ARHGEF26: variants seen among roughly 807,000 people sequenced by gnomAD.
ARHGEF26 encodes the protein Rho guanine nucleotide exchange factor (GEF) 26.
A neutral mutation model predicts 89.4 loss-of-function variants in ARHGEF26; 59 were observed. The observed-to-expected ratio is 0.66, with a 90% CI of 0.54 to 0.82. ARHGEF26 has a LOEUF of 0.82. ARHGEF26 is among the 40% of genes least tolerant of loss of function. The pLI is 0.00. For missense variants in ARHGEF26, 1,234 were observed against 1,085.6 expected, an observed-to-expected ratio of 1.14 and a Z score of -1.92; for synonymous variants, 500 against 428.4, an observed-to-expected ratio of 1.17 and a Z score of -2.06.
Position 154,254,827 on chromosome 3 carries a change from G to A in ARHGEF26, c.2473+3G>A, listed in dbSNP as rs767062700. 5.6e-6 allele frequency: 9 copies of A among 1,612,958 alleles called. No homozygotes were observed. Among genetic ancestry groups the A allele is most frequent in the Admixed American group, 1.7e-5 (1 of 60,024 alleles). On this transcript the variant is annotated splice_donor_region_variant and intron_variant, in intron 14 of 14. Transcript: ENST00000465093. ...CATCTATCAACGTGTCAGCGATGGTGAGTGGGAGCGTTCTTATGGGACACT... is the reference window on the plus strand; with the variant it reads ...CATCTATCAACGTGTCAGCGATGGTAAGTGGGAGCGTTCTTATGGGACACT...
Position 154,254,838 on chromosome 3 carries a change from T to C in ARHGEF26, c.2473+14T>C. The C allele has an allele frequency of 6.2e-7, 1 of 1,609,410 alleles. No individual in the cohort carries two copies. The highest frequency in any genetic ancestry group is 2.2e-5 in the East Asian group (1 of 44,844). ...GTGTCAGCGATGGTGAGTGGGAGCG[T>C]TCTTATGGGACACTCGTGGTCCAGG... On this transcript the variant is annotated intron_variant, in intron 14 of 14. Coordinates refer to ENST00000465093, the MANE Select transcript of ARHGEF26 (RefSeq NM_015595.4).
chr3:154,225,987 G>T lies in ARHGEF26; in HGVS notation c.2067G>T (p.Val689=). Residue 689 remains valine, a synonymous_variant, in exon 11 of 15, where the codon GTG becomes GTT. Transcript: ENST00000465093. ...TCTACTTCTTTCTCTTTAACGATGT[G>T]CTCATTATCACCAAGAAGAAGAGGT... is the stretch of plus-strand genomic sequence containing the variant. ...QQVYFFLFND[V]LIITKKKSEE... 1 of 1,611,438 alleles carries T rather than the reference G, an allele frequency of 6.2e-7. No homozygotes were observed. The highest frequency in any genetic ancestry group is 1.7e-5 in the Admixed American group (1 of 59,548).
chr3:154,172,389 G>C (rs1412124238), intron 6 of ARHGEF26, among the ~76,000 whole-genome samples: 1 of 152,166 alleles, frequency 6.6e-6, no homozygotes, highest in African/African-American at 2.4e-5. Context: ...TTAAAGACAG[G>C]CCAGCCTAGG....
In ARHGEF26 at chr3:154,253,153, A is replaced by T; in HGVS notation, c.2338A>T (p.Ser780Cys). 1 of 1,614,034 alleles carries T rather than the reference A, an allele frequency of 6.2e-7. No homozygotes were observed. Among genetic ancestry groups the T allele is most frequent in the Non-Finnish European group, 8.5e-7 (1 of 1,179,892 alleles). The change falls in exon 13 of 15, where the codon AGC (serine) becomes TGC (cysteine). Residue 780 changes from serine (S) to cysteine (C), a missense_variant. Physicochemically the swap from Ser to Cys is moderately radical, Grantham distance 112 (BLOSUM62 -1). Coordinates refer to ENST00000465093, the MANE Select transcript of ARHGEF26 (RefSeq NM_015595.4). Reference sequence around the variant, plus strand: ...CCGCTGGATAACTGCCCTGGGACACAGCAGCGGGAAGCCGCCTGCAGACCG... The same window carrying T: ...CCGCTGGATAACTGCCCTGGGACACTGCAGCGGGAAGCCGCCTGCAGACCG... ...RARWITALGH[S>C]SGKPPADRTS...
rs990673906 is a variant in ARHGEF26 at position 154,210,939 on chromosome 3, C to T, written c.1846-6930C>T. ...GCCTGGGCGACAGATTAAGTCTGTCCCCCCACCAAAAAAAAAAAAATTTGT... is the reference window on the plus strand; with the variant it reads ...GCCTGGGCGACAGATTAAGTCTGTCTCCCCACCAAAAAAAAAAAAATTTGT... On this transcript the variant is annotated intron_variant, in intron 9 of 14. Coordinates refer to ENST00000465093, the MANE Select transcript of ARHGEF26 (RefSeq NM_015595.4). Among the ~76,000 whole-genome samples the T allele has an allele frequency of 4.8e-4, 72 of 151,048 alleles. 1 individual carries two copies. The highest frequency in any genetic ancestry group is 7.8e-4 in the Non-Finnish European group (53 of 67,750).
Position 154,225,928 on chromosome 3 carries a change from G to A in ARHGEF26, c.2008G>A (p.Val670Met). The stretch of plus-strand genomic sequence containing the variant: ...ATTGACAGCCTATGTTGAAGACACT[G>A]TGCTTTTCTCAAGAAGGACATCCAA... Reference protein sequence around the residue: ...GELTAYVEDTVLFSRRTSKQQ... With the variant: ...GELTAYVEDTMLFSRRTSKQQ... The change falls in exon 11 of 15, where the codon GTG becomes ATG. Residue 670 changes from valine to methionine, a missense_variant. By Grantham distance (21) the Val-to-Met change is conservative (BLOSUM62 1). Transcript: ENST00000465093. 6.2e-7 allele frequency: 1 copy of A among 1,612,740 alleles called. No individual in the cohort carries two copies. Among genetic ancestry groups the A allele is most frequent in the Non-Finnish European group, 8.5e-7 (1 of 1,179,306 alleles).
chr3:154,223,282 A>G (rs576217889), intron 10 of ARHGEF26, among the ~76,000 whole-genome samples: 1 of 152,284 alleles, frequency 6.6e-6, no homozygotes, highest in Non-Finnish European at 1.5e-5. Flanking sequence ...GCTGTAGAGG[A>G]CAGTTTGTTA....
chr3:154,127,874 C>T (rs1211779653), intron 3 of ARHGEF26, among the ~76,000 whole-genome samples: 1 of 152,086 alleles, frequency 6.6e-6, no homozygotes, highest in Non-Finnish European at 1.5e-5. Flanking sequence ...ACATATGGGA[C>T]CACCGTTGTA....
At chr3:154,250,981 AG>A (rs1718113786) in intron 12 of ARHGEF26, among the ~76,000 whole-genome samples, 1 of 151,994 alleles carries the variant, frequency 6.6e-6, no homozygotes, top group African/African-American at 2.4e-5. Context: ...AGAGAGAGAG[AG>A]AGGTTTTAAA....
chr3:154,152,722 G>A (rs1727956), intron 5 of ARHGEF26, 50 bp from the exon 6 acceptor site: 953,227 of 1,325,172 alleles, frequency 0.72, 346,034 homozygotes, highest in South Asian at 0.77. Flanking sequence ...GCTATATTTA[G>A]TTCTTTAATT....
chr3:154,232,064 A>G (rs1412306254), intron 11 of ARHGEF26, among the ~76,000 whole-genome samples: 2 of 152,164 alleles, frequency 1.3e-5, no homozygotes, highest in African/African-American at 4.8e-5. Context: ...TAACCTTGTT[A>G]CCCACTTAAG....
intron 3 of ARHGEF26, 143 bp downstream of exon 3, chr3:154,124,592 C>A: frequency 1.4e-6 from 1 of 726,778 alleles, no homozygotes; most frequent in Non-Finnish European, 2.1e-6. Flanking sequence ...CAAAGCTTCT[C>A]ACTAAGCTAA....
chr3:154,172,084 C>A lies in ARHGEF26; in HGVS notation c.1488-15601C>A, dbSNP rs1176340753. The stretch of plus-strand genomic sequence containing the variant: ...TATTTTGTGCCATGTCAATGAGATA[C>A]AGAGTTGTAGACAGGAAAGGCTCTG... On this transcript the variant is annotated intron_variant, in intron 6 of 14. Coordinates refer to ENST00000465093, the MANE Select transcript of ARHGEF26 (RefSeq NM_015595.4). Among the ~76,000 whole-genome samples, 3 of 152,258 alleles carry A rather than the reference C, an allele frequency of 2.0e-5. No homozygotes were observed. The East Asian group carries it at 5.8e-4, about 29-fold the overall frequency.
At chr3:154,172,092 T>C (rs1471749758) in intron 6 of ARHGEF26, among the ~76,000 whole-genome samples, 1 of 152,200 alleles carries the variant, frequency 6.6e-6, no homozygotes, top group Non-Finnish European at 1.5e-5. Context: ...TACAGAGTTG[T>C]AGACAGGAAA....
intron 9 of ARHGEF26, among the ~76,000 whole-genome samples, chr3:154,199,171 T>A (rs1031067285): frequency 1.1e-4 from 17 of 152,016 alleles, no homozygotes; most frequent in African/African-American, 3.1e-4. Context: ...ATTTTATTTT[T>A]TTTTTATACC....
chr3:154,212,936 C>T (rs993783212), intron 9 of ARHGEF26, among the ~76,000 whole-genome samples: 2 of 152,086 alleles, frequency 1.3e-5, no homozygotes, highest in Non-Finnish European at 2.9e-5. Flanking sequence ...CATTGTCTTA[C>T]CTAAATGATT....
rs535366018 is a variant in ARHGEF26, at chr3:154,134,049, T to C, written c.1269+4330T>C. 2.0e-5 allele frequency among the ~76,000 whole-genome samples: 3 copies of C among 152,340 alleles called. No individual in the cohort carries two copies. In the South Asian group the frequency reaches 6.2e-4, roughly 32 times the overall value. On this transcript the variant is annotated intron_variant, in intron 4 of 14. Coordinates refer to ENST00000465093, the MANE Select transcript of ARHGEF26 (RefSeq NM_015595.4). ...ATCTTTGCACATCGATTTCGTATCC[T>C]GAGACTTTGCTGAAGTTTTTTTTAT... is the stretch of plus-strand genomic sequence containing the variant.
At chr3:154,124,296 A>G (rs1351705243) in intron 2 of ARHGEF26, 114 bp from the exon 3 acceptor site, 1 of 724,296 alleles carries the variant, frequency 1.4e-6, no homozygotes, top group Admixed American at 3.3e-5. Context: ...TAATTAATGT[A>G]ATGACTAAAA....
intron 10 of ARHGEF26, among the ~76,000 whole-genome samples, chr3:154,218,683 A>C (rs1173726164): frequency 6.6e-6 from 1 of 152,242 alleles, no homozygotes; most frequent in Non-Finnish European, 1.5e-5. Context: ...TATTTCATGC[A>C]GTCAAATTAT....
Sources: gnomAD v4.1 joint callset for allele counts (sites outside exome capture counted in the v4.1 genomes callset) on GRCh38, gnomAD v4.1.1 for gene constraint, MANE v1.5 for transcripts, NCBI Gene and HGNC (gene_info 2026-07-23, HGNC 2026-07-21) for gene names.